The following SPATA21 variants were observed in gnomAD, a reference collection of about 807,000 sequenced individuals.
The protein encoded by SPATA21 is spermatogenesis-associated protein 21.
SPATA21 carries 47 observed loss-of-function variants against 54.8 expected under a neutral mutation model. The observed-to-expected ratio is 0.86, with a 90% confidence interval of 0.68 to 1.09. The LOEUF is 1.09. Ranked by LOEUF, SPATA21 falls within the 50% of genes least tolerant of loss-of-function variation. The probability of loss-of-function intolerance (pLI) is 0.00; values close to 1 mark genes in which losing one functional copy is unlikely to be tolerated. For synonymous variants in SPATA21, 245 were observed against 235.3 expected (o/e 1.04, Z -0.38); for missense variants, 599 against 596.4 (o/e 1.00, Z -0.05).
intron 7 of SPATA21, among the ~76,000 whole-genome samples, chr1:16,407,693 C>T (rs2085688488): frequency 1.3e-5 from 2 of 151,936 alleles, no homozygotes. Context: ...CTCCTGACCT[C>T]GTGATCCACC....
intron 3 of SPATA21, among the ~76,000 whole-genome samples, chr1:16,427,294 CTT>C (rs1240652067): frequency 6.6e-6 from 1 of 152,062 alleles, no homozygotes; most frequent in East Asian, 1.9e-4. Context: ...TCTCTCCTAA[CTT>C]TTCTTGTAGA....
intron 2 of SPATA21, among the ~76,000 whole-genome samples, chr1:16,432,114 C>CTTTTTTTTTTTTTTTT (rs35240103): frequency 7.5e-6 from 1 of 133,106 alleles, no homozygotes; most frequent in Admixed American, 7.8e-5. Flanking sequence ...TCTTCTTCTT[C>CTTTTTTTTTTTTTTTT]TTTTTTTTTT....
chr1:16,427,732 A>T, intron 3 of SPATA21: 1 of 963,294 alleles, frequency 1.0e-6, no homozygotes, highest in Non-Finnish European at 1.5e-6. Flanking sequence ...GTGCAATGAA[A>T]GAGAAGGACA....
chr1:16,398,581 T>G (rs1346228713), downstream of SPATA21: 1 of 653,962 alleles, frequency 1.5e-6, no homozygotes, highest in Non-Finnish European at 2.7e-6. Context: ...CCCTGCACTC[T>G]GAGAGCCCAG....
At chr1:16,407,214 A>T (rs1276585325) in intron 7 of SPATA21, among the ~76,000 whole-genome samples, 1 of 152,216 alleles carries the variant, frequency 6.6e-6, no homozygotes, top group Non-Finnish European at 1.5e-5. Flanking sequence ...GTGCGCAGGC[A>T]CACCACAGAA....
intron 7 of SPATA21, among the ~76,000 whole-genome samples, chr1:16,406,619 G>C (rs1364479815): frequency 2.6e-5 from 4 of 152,186 alleles, no homozygotes; most frequent in Non-Finnish European, 2.9e-5. Context: ...GCACATGCCT[G>C]TAGTCCCAGC....
At chr1:16,398,023 G>T, downstream of SPATA21, 3 of 885,076 alleles carry the variant, frequency 3.4e-6, no homozygotes, top group Non-Finnish European at 4.1e-6. Flanking sequence ...CACCCCTGCA[G>T]TCTTACTCTG....
In SPATA21 at chr1:16,409,246, C is replaced by T; in HGVS notation, c.588-43G>A. ...CCGACCCAGGGCAACATCCGGCCGC[C>T]CACCCTGCTGATAGCTAGGGGAGGG... On this transcript the variant is annotated intron_variant, in intron 6 of 12. Coordinates refer to ENST00000335496, the MANE Select transcript of SPATA21 (RefSeq NM_198546.1). This position sits in a 1 kb window ranked among gnomAD's most constrained non-coding sequence, Gnocchi z 4.1. 2 of 1,609,878 alleles carry T rather than the reference C, an allele frequency of 1.2e-6. No homozygotes were observed. The highest frequency in any genetic ancestry group is 1.7e-6 in the Non-Finnish European group (2 of 1,177,174).
chr1:16,428,029 T>A lies in SPATA21; in HGVS notation c.34+3309A>T. On this transcript the variant is annotated intron_variant, in intron 3 of 12. Transcript: ENST00000335496. This position sits in a 1 kb window ranked among gnomAD's most constrained non-coding sequence, Gnocchi z 4.3. ...CGGAAACATGACCTGGACAGAGATATCCATGGCAGTGGCTTGAGGGCTGGC... is the reference window on the plus strand; with the variant it reads ...CGGAAACATGACCTGGACAGAGATAACCATGGCAGTGGCTTGAGGGCTGGC... 3 of 1,539,750 alleles carry A rather than the reference T, an allele frequency of 1.9e-6. No individual in the cohort carries two copies. Among genetic ancestry groups the A allele is most frequent in the Non-Finnish European group, 2.6e-6 (3 of 1,138,198 alleles).
At chr1:16,414,644 C>CA in intron 5 of SPATA21, among the ~76,000 whole-genome samples, 1 of 151,040 alleles carries the variant, frequency 6.6e-6, no homozygotes, top group East Asian at 2.0e-4. Flanking sequence ...CCTGTAATCC[C>CA]AGCACTCTGG....
chr1:16,425,824 C>A, intron 3 of SPATA21: 1 of 1,120,346 alleles, frequency 8.9e-7, no homozygotes, highest in South Asian at 1.6e-5. Context: ...AGGTGCATAG[C>A]TAACGCCTGG....
At chr1:16,404,092 C>A (rs769381482) in intron 8 of SPATA21, 53 bp from the exon 9 acceptor site, 15 of 1,461,154 alleles carry the variant, frequency 1.0e-5, no homozygotes, top group Non-Finnish European at 1.4e-5. Context: ...CAGGTCCATG[C>A]CTTGCAGCCC....
Position 16,399,436 on chromosome 1 carries a change from C to G in SPATA21, c.1260G>C (p.Pro420=). The G allele has an allele frequency of 6.2e-7, 1 of 1,614,110 alleles. No individual in the cohort carries two copies. Among genetic ancestry groups the G allele is most frequent in the Non-Finnish European group, 8.5e-7 (1 of 1,180,026 alleles). ...ACTGGTCTAGTGCATAGTGGTTGCTCGGCTGCCTACGGACCATCTTCTTGT... is the reference window on the plus strand; with the variant it reads ...ACTGGTCTAGTGCATAGTGGTTGCTGGGCTGCCTACGGACCATCTTCTTGT... The part of the protein sequence containing the change: ...QLDKKMVRRQ[P]SNHYALDQCT... The change falls in exon 12 of 13, where the codon CCG becomes CCC. Residue 420 remains proline, a synonymous_variant. Coordinates refer to ENST00000335496, the MANE Select transcript of SPATA21 (RefSeq NM_198546.1).
intron 11 of SPATA21, among the ~76,000 whole-genome samples, chr1:16,400,170 G>A (rs1483411408): frequency 6.6e-6 from 1 of 151,910 alleles, no homozygotes; most frequent in Non-Finnish European, 1.5e-5. Flanking sequence ...GGGATTACCG[G>A]TGCTCGCCAC....
At chr1:16,423,919 T>C (rs1485979206) in intron 3 of SPATA21, among the ~76,000 whole-genome samples, 2 of 151,854 alleles carry the variant, frequency 1.3e-5, no homozygotes, top group African/African-American at 4.8e-5. Flanking sequence ...TTCATTTGTG[T>C]AAAATTCCAC....
chr1:16,415,748 C>T (rs534818634), intron 5 of SPATA21, among the ~76,000 whole-genome samples: 243 of 151,974 alleles, frequency 1.6e-3, no homozygotes, highest in Middle Eastern at 0.01. Context: ...TTAGTAGAGA[C>T]GGGGTTTCAC....
At chr1:16,398,914 A>G (rs576511858) in intron 12 of SPATA21, 92 bp from the exon 13 acceptor site, 2 of 1,309,100 alleles carry the variant, frequency 1.5e-6, no homozygotes, top group South Asian at 2.8e-5. Flanking sequence ...CCAAGTGAGG[A>G]GAGAGAGGAG....
intron 5 of SPATA21, among the ~76,000 whole-genome samples, chr1:16,414,989 T>G (rs1473761433): frequency 1.3e-5 from 2 of 151,916 alleles, no homozygotes; most frequent in Non-Finnish European, 2.9e-5. Context: ...ATTGTTTTCC[T>G]GAATTAAGGG....
At chr1:16,400,550 A>T in intron 11 of SPATA21, 170 bp downstream of exon 11, 1 of 1,428,466 alleles carries the variant, frequency 7.0e-7, no homozygotes, top group South Asian at 1.6e-5. Context: ...CCTGGATGGA[A>T]AATAGTGATT....
Sources: allele counts gnomAD v4.1 joint callset (sites outside exome capture counted in the v4.1 genomes callset), GRCh38; gene constraint gnomAD v4.1.1; non-coding constraint Gnocchi (gnomAD v3.1); transcripts MANE v1.5; gene names NCBI Gene and HGNC (gene_info 2026-07-23, HGNC 2026-07-21).